Variants in PDE7B observed in about 807,000 individuals in gnomAD.
The protein encoded by PDE7B is 3',5'-cyclic-AMP phosphodiesterase 7B.
A neutral mutation model predicts 56.2 loss-of-function variants in PDE7B; 29 were observed. The ratio of observed to expected loss-of-function variants is 0.52; its 90% CI spans 0.38 to 0.70. The LOEUF (loss-of-function observed/expected upper bound fraction) is 0.70. Among genes scored for constraint, PDE7B ranks in the 30% least tolerant of loss-of-function variants. PDE7B has a pLI of 0.00. For missense variants in PDE7B, 490 were observed against 565.0 expected (o/e 0.87, Z 1.35); for synonymous variants, 197 against 196.9 (o/e 1.00, Z 0.00).
chr6:136,090,904 C>T (rs139214353), intron 2 of PDE7B, among the ~76,000 whole-genome samples: 302 of 152,276 alleles, frequency 2.0e-3, no homozygotes, highest in Middle Eastern at 6.8e-3. Context: ...TTTCAAAATA[C>T]TCTACAAGTC....
intron 10 of PDE7B, 50 bp from the exon 11 acceptor site, chr6:136,181,177 A>G: frequency 7.3e-7 from 1 of 1,377,072 alleles, no homozygotes; most frequent in Non-Finnish European, 1.0e-6. Context: ...GTGCTTTTGC[A>G]ACTGAAAGAA....
At position 135,852,037 on chromosome 6, in the gene PDE7B, A is replaced by C. The variant is rs1460633428; in HGVS notation, c.21+18A>C. 2 of 1,584,620 alleles carry C rather than the reference A, an allele frequency of 1.3e-6. No homozygotes were observed. Among genetic ancestry groups the C allele is most frequent in the Non-Finnish European group, 1.7e-6 (2 of 1,153,224 alleles). Reference sequence around the variant, plus strand: ...TGGTTGAGGTATGTACAACAAATTTAAGCGGCAAGCTCAGTTTTCTTGAGA... The same window carrying C: ...TGGTTGAGGTATGTACAACAAATTTCAGCGGCAAGCTCAGTTTTCTTGAGA... On this transcript the variant is annotated intron_variant, in intron 1 of 12. Coordinates refer to ENST00000308191, the MANE Select transcript of PDE7B (RefSeq NM_018945.4).
At chr6:136,060,221 G>A (rs752729025) in intron 2 of PDE7B, among the ~76,000 whole-genome samples, 2 of 152,120 alleles carry the variant, frequency 1.3e-5, no homozygotes, top group East Asian at 3.9e-4. Context: ...TCTAAATCTA[G>A]GTCATAATCC....
At chr6:135,939,410 G>A (rs536084245) in intron 1 of PDE7B, among the ~76,000 whole-genome samples, 45 of 152,298 alleles carry the variant, frequency 3.0e-4, no homozygotes, top group African/African-American at 9.6e-4. Context: ...CTGACAGATT[G>A]TTGAAAACTT....
chr6:136,145,996 C>G (rs2170231), intron 3 of PDE7B, among the ~76,000 whole-genome samples: 1 of 151,952 alleles, frequency 6.6e-6, no homozygotes, highest in East Asian at 1.9e-4. Flanking sequence ...ATGTGTAAAA[C>G]TGAACCACTC....
intron 11 of PDE7B, among the ~76,000 whole-genome samples, chr6:136,186,420 T>C (rs993640661): frequency 1.3e-5 from 2 of 152,064 alleles, no homozygotes; most frequent in Non-Finnish European, 2.9e-5. Flanking sequence ...AGAATGAGAC[T>C]CTGTCTCAAA....
At chr6:136,077,983 G>A (rs1338957216) in intron 2 of PDE7B, among the ~76,000 whole-genome samples, 1 of 152,204 alleles carries the variant, frequency 6.6e-6, no homozygotes, top group African/African-American at 2.4e-5. Flanking sequence ...AGGGTGAATT[G>A]AGGTTAGCTG....
At chr6:136,104,665 A>C (rs1387589119) in intron 2 of PDE7B, among the ~76,000 whole-genome samples, 2 of 152,250 alleles carry the variant, frequency 1.3e-5, no homozygotes, top group African/African-American at 4.8e-5. Context: ...TCCATTAAAT[A>C]GAATGCTTCA....
chr6:136,021,078 A>G (rs777594774), intron 2 of PDE7B, among the ~76,000 whole-genome samples: 4 of 152,146 alleles, frequency 2.6e-5, no homozygotes, highest in Non-Finnish European at 5.9e-5. Context: ...ATCTGGCACA[A>G]TGTTTTGTTT....
chr6:136,067,283 A>G (rs1322464865), intron 2 of PDE7B, among the ~76,000 whole-genome samples: 1 of 152,198 alleles, frequency 6.6e-6, no homozygotes, highest in East Asian at 1.9e-4. Flanking sequence ...GCATCTTCAA[A>G]GGAACAATTT....
chr6:136,061,652 C>G (rs1220406738), intron 2 of PDE7B, among the ~76,000 whole-genome samples: 1 of 152,318 alleles, frequency 6.6e-6, no homozygotes, highest in East Asian at 1.9e-4. Context: ...CTCAACCACT[C>G]ATAGAGTAGA....
intron 8 of PDE7B, chr6:136,162,004 T>G (rs1778711502): frequency 6.6e-6 from 1 of 152,214 alleles, no homozygotes; most frequent in Non-Finnish European, 1.5e-5. Flanking sequence ...TTTTAGGTCC[T>G]TAAACTGACT....
intron 2 of PDE7B, among the ~76,000 whole-genome samples, chr6:136,029,695 A>G (rs1050362583): frequency 6.6e-5 from 10 of 152,218 alleles, no homozygotes; most frequent in African/African-American, 2.2e-4. Context: ...AGAAAAATGT[A>G]GTTAAAATTT....
At chr6:136,134,346 T>A (rs1778171823) in intron 3 of PDE7B, among the ~76,000 whole-genome samples, 1 of 152,160 alleles carries the variant, frequency 6.6e-6, no homozygotes, top group Non-Finnish European at 1.5e-5. Context: ...ACAGAGTTAA[T>A]GCAGCAGTTT....
At chr6:136,073,078 G>A (rs565142538) in intron 2 of PDE7B, among the ~76,000 whole-genome samples, 18 of 152,186 alleles carry the variant, frequency 1.2e-4, no homozygotes, top group East Asian at 3.9e-4. Flanking sequence ...GCCTGCTCTC[G>A]GGGCTAAGGA....
intron 2 of PDE7B, among the ~76,000 whole-genome samples, chr6:136,085,734 C>T (rs1055938689): frequency 6.6e-6 from 1 of 152,196 alleles, no homozygotes; most frequent in South Asian, 2.1e-4. Context: ...GAAGCTCTCA[C>T]CCATTGTCCA....
chr6:135,857,027 TC>T (rs1775044851), intron 1 of PDE7B, among the ~76,000 whole-genome samples: 1 of 22,066 alleles, frequency 4.5e-5, no homozygotes, highest in African/African-American at 7.4e-5. Context: ...CTCCTTTTCC[TC>T]CCTCCCTCCC....
chr6:135,969,944 G>T (rs1039753680), intron 2 of PDE7B, among the ~76,000 whole-genome samples: 2 of 152,162 alleles, frequency 1.3e-5, no homozygotes, highest in Non-Finnish European at 2.9e-5. Context: ...CTAGTGAAGT[G>T]CCATGCTATA....
chr6:135,974,414 G>A (rs1159278785), intron 2 of PDE7B, among the ~76,000 whole-genome samples: 1 of 152,010 alleles, frequency 6.6e-6, no homozygotes, highest in Non-Finnish European at 1.5e-5. Flanking sequence ...TGGGTGTTAT[G>A]TTCCCTGAAA....
Sources: allele counts gnomAD v4.1 joint callset (sites outside exome capture counted in the v4.1 genomes callset), GRCh38; gene constraint gnomAD v4.1.1; transcripts MANE v1.5; gene names NCBI Gene and HGNC (gene_info 2026-07-23, HGNC 2026-07-21).